The following RIMBP2 variants were observed in gnomAD, a reference collection of about 807,000 sequenced individuals.
The protein encoded by RIMBP2 is RIMS binding protein 2.
Under a neutral mutation model 118.6 loss-of-function variants are expected in RIMBP2, and 48 were observed. The observed-to-expected ratio is 0.40, with a 90% CI of 0.32 to 0.51. The LOEUF (loss-of-function observed/expected upper bound fraction) is 0.51, where lower values mean the gene tolerates loss of function less well. Ranked by LOEUF, RIMBP2 falls within the 20% of genes least tolerant of loss-of-function variation. The probability of loss-of-function intolerance (pLI) is 0.41; values close to 1 mark genes in which losing one functional copy is unlikely to be tolerated. For synonymous variants in RIMBP2, 762 were observed against 742.9 expected, an observed-to-expected ratio of 1.03 and a Z score of -0.42; for missense variants, 1,551 against 1,768.3, an observed-to-expected ratio of 0.88 and a Z score of 2.20.
At position 130,578,035 on chromosome 12, in the gene RIMBP2, T is replaced by TG. The variant is rs1156574191; in HGVS notation, c.-217+50286dup. Among the ~76,000 whole-genome samples, 3 of 152,128 alleles carry TG rather than the reference T, an allele frequency of 2.0e-5. No homozygotes were observed. In the East Asian group the frequency reaches 5.8e-4, roughly 29 times the overall value. On this transcript the variant is annotated intron_variant, in intron 2 of 22. Transcript: ENST00000690449. This position sits in a 1 kb window ranked among gnomAD's most constrained non-coding sequence, Gnocchi z 4.1. ...CTTGTCAATTATACCTCAACAAAGC[T>TG]GGGGAAAAAAATATCTTCTCTGAAA...
chr12:130,568,254 G>A lies in RIMBP2; in HGVS notation c.-216-50337C>T, dbSNP rs867070073. 8.5e-5 allele frequency among the ~76,000 whole-genome samples: 13 copies of A among 152,336 alleles called. No homozygotes were observed. In the Middle Eastern group the frequency reaches 0.02, roughly 239 times the overall value. ...AGGGGAGACCCAGGATATCTCAGGG[G>A]ACTCAGCACGGGGGTGTGGGGGTTT... On this transcript the variant is annotated intron_variant, in intron 2 of 22. Coordinates refer to ENST00000690449, the MANE Select transcript of RIMBP2 (RefSeq NM_001393629.1).
chr12:130,661,089 T>G (rs1277083031), intron 1 of RIMBP2, among the ~76,000 whole-genome samples: 1 of 152,196 alleles, frequency 6.6e-6, no homozygotes, highest in Non-Finnish European at 1.5e-5. Flanking sequence ...CTCAATTTTC[T>G]TACCTTAAAA....
chr12:130,563,532 A>G (rs1389146145), intron 2 of RIMBP2, among the ~76,000 whole-genome samples: 1 of 152,248 alleles, frequency 6.6e-6, no homozygotes, highest in East Asian at 1.9e-4. Context: ...CAAGTATGAA[A>G]ACGGTGACTC....
chr12:130,616,886 T>G (rs192907375), intron 2 of RIMBP2, among the ~76,000 whole-genome samples: 99 of 152,302 alleles, frequency 6.5e-4, no homozygotes, highest in African/African-American at 2.1e-3. Context: ...TGGAGAGCTC[T>G]GCCAGAGGCC....
At chr12:130,514,977 T>C (rs962466587) in intron 3 of RIMBP2, among the ~76,000 whole-genome samples, 12 of 151,990 alleles carry the variant, frequency 7.9e-5, no homozygotes, top group Admixed American at 2.0e-4. Flanking sequence ...CCCGGGTTCA[T>C]GCCATTCTCC....
chr12:130,679,080 TA>T (rs201862208), intron 1 of RIMBP2, among the ~76,000 whole-genome samples: 1 of 152,064 alleles, frequency 6.6e-6, no homozygotes. Context: ...TCAATATAAA[TA>T]AAAAAAGACT....
intron 11 of RIMBP2, among the ~76,000 whole-genome samples, chr12:130,440,633 T>C (rs371443656): frequency 2.3e-4 from 35 of 152,310 alleles, no homozygotes; most frequent in African/African-American, 8.4e-4. Flanking sequence ...TCAGAAGGCA[T>C]CGCGGGAGGC....
chr12:130,406,200 C>T lies in RIMBP2; in HGVS notation c.3737G>A (p.Gly1246Asp). ...FCTGDIITVFGEIDEDGFYYG... is the reference protein window; with the variant it reads ...FCTGDIITVFDEIDEDGFYYG... ...ATAAAATCCATCTTCATCAATTTCACCAAAAACTGTAATAATATCTCCTGT... is the reference window on the plus strand; with the variant it reads ...ATAAAATCCATCTTCATCAATTTCATCAAAAACTGTAATAATATCTCCTGT... Residue 1246 changes from glycine to aspartate, a missense_variant, in exon 21 of 23, where the codon GGT becomes GAT. Physicochemically the swap from Gly to Asp is moderately conservative, Grantham distance 94. This residue lies in a region of RIMBP2 where 1,038 missense variants were observed against 1,125.1 expected (regional missense o/e 0.92). Coordinates refer to ENST00000690449, the MANE Select transcript of RIMBP2 (RefSeq NM_001393629.1). The T allele has an allele frequency of 5.0e-6, 8 of 1,600,306 alleles. No individual in the cohort carries two copies. The highest frequency in any genetic ancestry group is 6.8e-6 in the Non-Finnish European group (8 of 1,169,478).
intron 6 of RIMBP2, 28 bp from the exon 7 acceptor site, chr12:130,456,728 C>A: frequency 6.4e-7 from 1 of 1,558,416 alleles, no homozygotes; most frequent in South Asian, 1.2e-5. Context: ...GACAGGGGGT[C>A]AGCGGTGGCA....
At chr12:130,505,204 G>A (rs529341763) in intron 4 of RIMBP2, among the ~76,000 whole-genome samples, 1 of 152,250 alleles carries the variant, frequency 6.6e-6, no homozygotes, top group East Asian at 1.9e-4. Context: ...TGAGCTTGCT[G>A]AGAACCGCAG....
chr12:130,661,401 C>T (rs1328730681), intron 1 of RIMBP2, among the ~76,000 whole-genome samples: 4 of 152,350 alleles, frequency 2.6e-5, no homozygotes, highest in African/African-American at 4.8e-5. Flanking sequence ...TACAAAAAGG[C>T]TCCTTTCCAT....
At chr12:130,448,246 G>A (rs983555716) in intron 9 of RIMBP2, among the ~76,000 whole-genome samples, 6 of 152,144 alleles carry the variant, frequency 3.9e-5, no homozygotes, top group South Asian at 2.1e-4. Context: ...GTGCTGGCTC[G>A]TCACGCCCCC....
At position 130,682,638 on chromosome 12, in the gene RIMBP2, G is replaced by C. The variant is rs572168717; in HGVS notation, c.-352+33584C>G. On this transcript the variant is annotated intron_variant, in intron 1 of 22. Coordinates refer to ENST00000690449, the MANE Select transcript of RIMBP2 (RefSeq NM_001393629.1). Reference sequence around the variant, plus strand: ...CTTCCAAAAAATTCAAAACATATCAGACACGGAGTGCGTGCAGTGGTGGGC... The same window carrying C: ...CTTCCAAAAAATTCAAAACATATCACACACGGAGTGCGTGCAGTGGTGGGC... Among the ~76,000 whole-genome samples the C allele has an allele frequency of 1.2e-4, 18 of 152,352 alleles. No homozygotes were observed. The South Asian group carries it at 3.5e-3, about 30-fold the overall frequency.
rs761183436 is a variant in RIMBP2, at chr12:130,428,306, G to A, written c.2285C>T (p.Thr762Ile). Residue 762 changes from threonine to isoleucine, a missense_variant, in exon 15 of 23, where the codon ACA becomes ATA. By Grantham distance (89) the Thr-to-Ile change is moderately conservative. This residue lies in a region of RIMBP2 where 1,038 missense variants were observed against 1,125.1 expected (regional missense o/e 0.92). Coordinates refer to ENST00000690449, the MANE Select transcript of RIMBP2 (RefSeq NM_001393629.1). ...GAGGTCAGACCCCCGGCTGCTCTCTGTGTGGTACTCGTCTCCATGGCAACA... is the reference window on the plus strand; with the variant it reads ...GAGGTCAGACCCCCGGCTGCTCTCTATGTGGTACTCGTCTCCATGGCAACA... ...PHCCHGDEYH[T>I]ESSRGSDLSD... is the part of the protein sequence containing the mutation. 1 of 1,612,522 alleles carries A rather than the reference G, an allele frequency of 6.2e-7. No individual in the cohort carries two copies. The highest frequency in any genetic ancestry group is 1.1e-5 in the South Asian group (1 of 90,714).
intron 1 of RIMBP2, among the ~76,000 whole-genome samples, chr12:130,687,610 T>C (rs536258789): frequency 3.9e-5 from 6 of 152,294 alleles, no homozygotes; most frequent in African/African-American, 1.4e-4. Flanking sequence ...TTGAACAAAG[T>C]AGATGAATAA....
chr12:130,671,625 T>C (rs1241867445), intron 1 of RIMBP2, among the ~76,000 whole-genome samples: 1 of 152,156 alleles, frequency 6.6e-6, no homozygotes, highest in Non-Finnish European at 1.5e-5. Flanking sequence ...GGCTGCCTCA[T>C]CTGTTGCACA....
intron 5 of RIMBP2, chr12:130,471,888 T>C (rs2081040454): frequency 6.5e-6 from 1 of 153,158 alleles, no homozygotes; most frequent in African/African-American, 2.4e-5. Context: ...GTCTGAACCC[T>C]CAGCGACTGG....
chr12:130,699,079 T>C (rs1031283572), intron 1 of RIMBP2, among the ~76,000 whole-genome samples: 19 of 151,888 alleles, frequency 1.3e-4, no homozygotes, highest in South Asian at 4.2e-4. Flanking sequence ...AGTCAGGAAA[T>C]AGGTGCTGGA....
intron 13 of RIMBP2, 93 bp downstream of exon 13, chr12:130,436,749 C>T (rs559865140): frequency 1.2e-4 from 126 of 1,070,106 alleles, no homozygotes; most frequent in Non-Finnish European, 1.5e-4. Context: ...AGCTGGGATG[C>T]GGGTCCCCCT....
Sources: gnomAD v4.1 joint callset for allele counts (sites outside exome capture counted in the v4.1 genomes callset) on GRCh38, gnomAD v4.1.1 for gene constraint, gnomAD v4.1.1 regional missense constraint, Gnocchi (gnomAD v3.1) non-coding constraint, MANE v1.5 for transcripts, NCBI Gene and HGNC (gene_info 2026-07-23, HGNC 2026-07-21) for gene names.